The following TCF7 variants were observed in gnomAD, a reference collection of about 807,000 sequenced individuals.
The protein encoded by TCF7 is T-cell-factor-7.
A neutral mutation model predicts 46.8 loss-of-function variants in TCF7; 19 were observed. The observed-to-expected ratio is 0.41, with a 90% confidence interval of 0.28 to 0.60. The LOEUF (loss-of-function observed/expected upper bound fraction) is 0.60, where lower values mean the gene tolerates loss of function less well. TCF7 is among the 20% of genes least tolerant of loss of function. The pLI, the probability that TCF7 is intolerant of heterozygous loss-of-function variation, is 0.35. For missense variants in TCF7, 547 were observed against 504.6 expected, an observed-to-expected ratio of 1.08 and a Z score of -0.81; for synonymous variants, 245 against 213.4, an observed-to-expected ratio of 1.15 and a Z score of -1.29.
intron 9 of TCF7, chr5:134,145,352 A>G: frequency 1.8e-6 from 1 of 544,428 alleles, no homozygotes; most frequent in Non-Finnish European, 3.6e-6. Flanking sequence ...TAGCCTTATG[A>G]CTTGCTATCT....
At chr5:134,143,741 G>A (rs1330625563) in intron 9 of TCF7, 101 bp downstream of exon 9, 2 of 1,409,522 alleles carry the variant, frequency 1.4e-6, no homozygotes, top group African/African-American at 1.4e-5. Flanking sequence ...ACCCAGCTAG[G>A]AGCCTTCAGG....
chr5:134,129,183 T>C (rs1262942931), intron 3 of TCF7, among the ~76,000 whole-genome samples: 4 of 152,228 alleles, frequency 2.6e-5, no homozygotes, highest in Non-Finnish European at 5.9e-5. Flanking sequence ...ACAAAGTGGT[T>C]GGGAAGACTG....
chr5:134,124,004 C>T (rs913334833), intron 3 of TCF7, among the ~76,000 whole-genome samples: 12 of 152,100 alleles, frequency 7.9e-5, no homozygotes, highest in South Asian at 2.1e-4. Context: ...CCCTCATGCT[C>T]TCTCGGGGTT....
chr5:134,138,174 T>G lies in TCF7; in HGVS notation c.547+10T>G, dbSNP rs769773246. 5 of 1,610,608 alleles carry G rather than the reference T, an allele frequency of 3.1e-6. No homozygotes were observed. The highest frequency in any genetic ancestry group is 1.3e-5 in the African/African-American group (1 of 74,546). On this transcript the variant is annotated intron_variant, in intron 4 of 9. Transcript: ENST00000342854. ...ATCAGCCAGAAGCAAGGTACAAGCCTGGGATGGGGAGGGGCCCAGTGAAAC... is the reference window on the plus strand; with the variant it reads ...ATCAGCCAGAAGCAAGGTACAAGCCGGGGATGGGGAGGGGCCCAGTGAAAC...
intron 3 of TCF7, among the ~76,000 whole-genome samples, chr5:134,126,979 CAGAG>C (rs1255307212): frequency 6.6e-6 from 1 of 152,058 alleles, no homozygotes; most frequent in Non-Finnish European, 1.5e-5. Flanking sequence ...AACTGAGGCT[CAGAG>C]AGGATAAGGA....
chr5:134,125,833 G>A (rs1454243352), intron 3 of TCF7, among the ~76,000 whole-genome samples: 9 of 152,188 alleles, frequency 5.9e-5, no homozygotes, highest in Non-Finnish European at 1.0e-4. Flanking sequence ...TGGAAAACCC[G>A]CTAAGCAGGA....
intron 3 of TCF7, among the ~76,000 whole-genome samples, chr5:134,137,257 C>T (rs2149335190): frequency 6.6e-6 from 1 of 152,198 alleles, no homozygotes; most frequent in East Asian, 1.9e-4. Context: ...AACCCCATCT[C>T]TACTAAAAAT....
the TCF7 span, among the ~76,000 whole-genome samples, chr5:134,108,392 G>C: frequency 6.6e-6 from 1 of 152,192 alleles, no homozygotes; most frequent in Admixed American, 6.5e-5. Flanking sequence ...CAAGAAGTGA[G>C]AATCCATTTG....
At chr5:134,142,024 A>C in intron 5 of TCF7, 161 bp from the exon 6 acceptor site, 1 of 937,358 alleles carries the variant, frequency 1.1e-6, no homozygotes, top group Non-Finnish European at 1.6e-6. Flanking sequence ...GGGAGCAGGT[A>C]TTTGTATTTA....
chr5:134,115,318 C>T lies in TCF7; in HGVS notation c.250-3C>T, dbSNP rs1217448621. ...CCTCACTCCCCTCCGGTTCTCCCTC[C>T]AGGCTCTCGGGCGGGAACACGCTGC... is the stretch of plus-strand genomic sequence containing the variant. On this transcript the variant is annotated splice_polypyrimidine_tract_variant and splice_region_variant and intron_variant, in intron 1 of 9. Transcript: ENST00000342854. The T allele has an allele frequency of 3.8e-6, 6 of 1,579,464 alleles. No homozygotes were observed. The highest frequency in any genetic ancestry group is 4.3e-6 in the Non-Finnish European group (5 of 1,164,020).
At chr5:134,120,823 C>T (rs994423195) in intron 3 of TCF7, among the ~76,000 whole-genome samples, 23 of 152,262 alleles carry the variant, frequency 1.5e-4, no homozygotes, top group African/African-American at 5.5e-4. Context: ...GCCGGCTGTT[C>T]GTTTCCTCCT....
intron 3 of TCF7, among the ~76,000 whole-genome samples, chr5:134,135,555 A>G (rs1164226193): frequency 6.6e-6 from 1 of 152,214 alleles, no homozygotes; most frequent in Middle Eastern, 3.2e-3. Context: ...AAAGGAGTCA[A>G]GGATGACTCC....
At chr5:134,115,651 C>A in intron 2 of TCF7, 1 of 1,432,988 alleles carries the variant, frequency 7.0e-7, no homozygotes, top group Non-Finnish European at 9.1e-7. Context: ...AATCCGCCGC[C>A]TTCAGGAGAC....
chr5:134,142,884 G>T lies in TCF7; in HGVS notation c.918+1G>T. 6.2e-7 allele frequency: 1 copy of T among 1,613,426 alleles called. No individual in the cohort carries two copies. The highest frequency in any genetic ancestry group is 8.5e-7 in the Non-Finnish European group (1 of 1,179,422). The stretch of plus-strand genomic sequence containing the variant: ...CATCAACCAGATCCTGGGCCGCAGG[G>T]TGAGACCATGGGCAGGTGGGCTGGC... On this transcript the variant is annotated splice_donor_variant, in intron 7 of 9. Coordinates refer to ENST00000342854, the MANE Select transcript of TCF7 (RefSeq NM_003202.5). LOFTEE classifies it high-confidence loss of function.
chr5:134,130,247 C>T (rs1006155139), intron 3 of TCF7, among the ~76,000 whole-genome samples: 2 of 152,212 alleles, frequency 1.3e-5, no homozygotes, highest in Non-Finnish European at 2.9e-5. Flanking sequence ...AGCCCTGTCC[C>T]GCCCCCCAGG....
chr5:134,115,850 G>C, intron 2 of TCF7, 59 bp from the exon 3 acceptor site: 2 of 1,609,598 alleles, frequency 1.2e-6, no homozygotes, highest in Non-Finnish European at 1.7e-6. Context: ...AGAGCAGACA[G>C]CCTTCAGTCC....
At position 134,114,952 on chromosome 5, in the gene TCF7, G is replaced by C. The variant is rs1441449654; in HGVS notation, c.46G>C (p.Asp16His). The C allele has an allele frequency of 8.8e-7, 1 of 1,137,086 alleles. No homozygotes were observed. The highest frequency in any genetic ancestry group is 3.7e-5 in the Admixed American group (1 of 27,136). The allele number at this position is 1,137,086 out of a possible 1,614,324, so 70.4% of individuals were successfully genotyped here. The change falls in exon 1 of 10, where the codon GAC (aspartate) becomes CAC (histidine). Residue 16 changes from aspartate (D) to histidine (H), a missense_variant. Around this residue, in one of 3 missense-constraint regions of TCF7, gnomAD observed 425 missense variants for 349.9 expected, o/e 1.21. Transcript: ENST00000342854. ...CGGGGGCGGCGCGGGCGGCGGCGACGACCTCGGCGCGCCGGACGAGCTGCT... is the reference window on the plus strand; with the variant it reads ...CGGGGGCGGCGCGGGCGGCGGCGACCACCTCGGCGCGCCGGACGAGCTGCT... ...SGGGGAGGGD[D>H]LGAPDELLAF...
intron 3 of TCF7, among the ~76,000 whole-genome samples, chr5:134,127,662 C>T (rs1269937110): frequency 6.6e-6 from 1 of 152,242 alleles, no homozygotes; most frequent in Admixed American, 6.5e-5. Context: ...GCTTAGGAAC[C>T]AGAGCCGCTG....
intron 5 of TCF7, chr5:134,139,292 C>G (rs976580614): frequency 1.9e-6 from 1 of 529,916 alleles, no homozygotes; most frequent in Non-Finnish European, 3.3e-6. Context: ...TGGTCCCAGC[C>G]CTGTCTCCCT....
Sources: gnomAD v4.1 joint callset for allele counts (sites outside exome capture counted in the v4.1 genomes callset) on GRCh38, gnomAD v4.1.1 for gene constraint, gnomAD v4.1.1 regional missense constraint, MANE v1.5 for transcripts, NCBI Gene and HGNC (gene_info 2026-07-23, HGNC 2026-07-21) for gene names.